Variants in FRMD5 observed in about 807,000 individuals in gnomAD.
FRMD5 encodes the protein FERM domain-containing protein 5.
A neutral mutation model predicts 69.0 loss-of-function variants in FRMD5; 20 were observed. That is an observed-to-expected ratio of 0.29 (90% confidence interval 0.20 to 0.42). The LOEUF is 0.42. FRMD5 is among the 10% of genes least tolerant of loss of function. The probability of loss-of-function intolerance (pLI) is 1.00; values close to 1 mark genes in which losing one functional copy is unlikely to be tolerated. For synonymous variants in FRMD5, 271 were observed against 260.1 expected, an observed-to-expected ratio of 1.04 and a Z score of -0.40; for missense variants, 595 against 708.6, an observed-to-expected ratio of 0.84 and a Z score of 1.82.
intron 1 of FRMD5, among the ~76,000 whole-genome samples, chr15:44,018,528 A>G (rs1391149682): frequency 6.6e-6 from 1 of 152,182 alleles, no homozygotes; most frequent in East Asian, 1.9e-4. Context: ...TGGGGGCATA[A>G]TCATTAAAAA....
At chr15:44,179,624 T>C (rs975637179) in intron 1 of FRMD5, among the ~76,000 whole-genome samples, 1 of 152,178 alleles carries the variant, frequency 6.6e-6, no homozygotes, top group African/African-American at 2.4e-5. Context: ...TATTTATAAA[T>C]AATATCCTTC....
At chr15:44,150,289 T>G (rs1187852328) in intron 1 of FRMD5, among the ~76,000 whole-genome samples, 2 of 152,070 alleles carry the variant, frequency 1.3e-5, no homozygotes, top group South Asian at 4.2e-4. Context: ...TAATATAGAA[T>G]TGGAAGTTCT....
At chr15:44,070,965 C>T (rs1019640594) in intron 1 of FRMD5, among the ~76,000 whole-genome samples, 6 of 152,180 alleles carry the variant, frequency 3.9e-5, no homozygotes, top group Non-Finnish European at 8.8e-5. Context: ...CAGCATATCA[C>T]ATGTTTGGCA....
At chr15:44,076,094 AT>A (rs893424069) in intron 1 of FRMD5, among the ~76,000 whole-genome samples, 20 of 152,072 alleles carry the variant, frequency 1.3e-4, no homozygotes, top group Admixed American at 6.6e-4. Context: ...GGTTGCGAAA[AT>A]TTTCTCCCAT....
Position 43,986,730 on chromosome 15 carries a change from T to TA in FRMD5, c.103-62422dup, listed in dbSNP as rs55968825. Among the ~76,000 whole-genome samples the TA allele has an allele frequency of 8.4e-3, 1,281 of 151,694 alleles. 17 individuals are homozygous for TA. Among genetic ancestry groups the TA allele is most frequent in the African/African-American group, 0.027 (1,118 of 41,352 alleles). ...TAAAGTACTTGGGATTTTTTTTTTT[T>TA]ATAAATACGGACATACCTGGTTTTA... is the stretch of plus-strand genomic sequence containing the variant. On this transcript the variant is annotated intron_variant, in intron 1 of 13. Transcript: ENST00000417257.
intron 5 of FRMD5, among the ~76,000 whole-genome samples, chr15:43,906,883 G>T (rs977208749): frequency 2.6e-5 from 4 of 152,100 alleles, no homozygotes; most frequent in East Asian, 1.9e-4. Flanking sequence ...TTACAGGCGT[G>T]AGCCACCGCA....
chr15:43,967,841 C>A (rs982427460), intron 1 of FRMD5, among the ~76,000 whole-genome samples: 1 of 151,582 alleles, frequency 6.6e-6, no homozygotes, highest in African/African-American at 2.4e-5. Context: ...TGATGGTTTG[C>A]TGCACCTATC....
chr15:44,125,111 G>A (rs773756515), intron 1 of FRMD5, among the ~76,000 whole-genome samples: 4 of 152,134 alleles, frequency 2.6e-5, no homozygotes, highest in Non-Finnish European at 5.9e-5. Flanking sequence ...AGAATGTTGT[G>A]CAAGTCAAAA....
intron 1 of FRMD5, among the ~76,000 whole-genome samples, chr15:44,111,514 T>C (rs937196058): frequency 1.3e-5 from 2 of 152,210 alleles, no homozygotes; most frequent in African/African-American, 4.8e-5. Flanking sequence ...AAGCAACTGC[T>C]AGTATCCTTG....
chr15:43,879,645 T>A (rs957480719), intron 13 of FRMD5: 1 of 398,952 alleles, frequency 2.5e-6, no homozygotes, highest in Non-Finnish European at 4.4e-6. Flanking sequence ...GACTCTGGTG[T>A]GAATCTTAAT....
chr15:43,950,038 T>A (rs2140508563), intron 1 of FRMD5, among the ~76,000 whole-genome samples: 1 of 152,354 alleles, frequency 6.6e-6, no homozygotes, highest in East Asian at 1.9e-4. Context: ...TTGAACTGCT[T>A]CCTTCTTCCT....
intron 1 of FRMD5, among the ~76,000 whole-genome samples, chr15:44,082,331 T>A (rs577053309): frequency 6.6e-6 from 1 of 152,108 alleles, no homozygotes; most frequent in South Asian, 2.1e-4. Flanking sequence ...TATTCTCAAA[T>A]GACTTTTCTG....
intron 1 of FRMD5, among the ~76,000 whole-genome samples, chr15:44,050,459 A>C (rs940904336): frequency 2.7e-5 from 4 of 150,242 alleles, no homozygotes; most frequent in African/African-American, 9.8e-5. Context: ...TCCTGAGCTC[A>C]AGCTGTCCTC....
At chr15:43,951,985 TGTGTGTGTGTGTGTCTGTGTGTG>T (rs1566857287) in intron 1 of FRMD5, among the ~76,000 whole-genome samples, 1 of 114,866 alleles carries the variant, frequency 8.7e-6, no homozygotes, top group African/African-American at 4.8e-5. Context: ...GTGTGTTGTG[TGTGTGTGTGTGTGTCTGTGTGTG>T]TGTGTGTGTG....
intron 2 of FRMD5, among the ~76,000 whole-genome samples, chr15:43,921,173 T>C (rs1331462798): frequency 1.3e-5 from 2 of 152,162 alleles, no homozygotes; most frequent in African/African-American, 2.4e-5. Flanking sequence ...CAGAAACAAC[T>C]GGGGTTCCAG....
intron 7 of FRMD5, among the ~76,000 whole-genome samples, chr15:43,897,374 C>T (rs917668810): frequency 4.7e-5 from 7 of 150,446 alleles, no homozygotes; most frequent in African/African-American, 1.7e-4. Context: ...GTAATCTCAG[C>T]TACTTGGGAG....
chr15:44,048,701 C>A, intron 1 of FRMD5, among the ~76,000 whole-genome samples: 1 of 152,020 alleles, frequency 6.6e-6, no homozygotes, highest in African/African-American at 2.4e-5. Context: ...ACCTCCCAAG[C>A]AGTTGGGACT....
chr15:43,970,481 G>A (rs2090357854), intron 1 of FRMD5, among the ~76,000 whole-genome samples: 1 of 152,134 alleles, frequency 6.6e-6, no homozygotes, highest in Non-Finnish European at 1.5e-5. Flanking sequence ...TGTTGCTGTT[G>A]TCGTTGTTGA....
At chr15:44,074,745 A>G (rs1893686409) in intron 1 of FRMD5, among the ~76,000 whole-genome samples, 1 of 152,184 alleles carries the variant, frequency 6.6e-6, no homozygotes, top group South Asian at 2.1e-4. Flanking sequence ...GGGATGAGGT[A>G]CCTTCTAGCT....
Sources: gnomAD v4.1 joint callset for allele counts (sites outside exome capture counted in the v4.1 genomes callset) on GRCh38, gnomAD v4.1.1 for gene constraint, MANE v1.5 for transcripts, NCBI Gene and HGNC (gene_info 2026-07-23, HGNC 2026-07-21) for gene names.